PAPSS1: variants seen among roughly 807,000 people sequenced by gnomAD.
PAPSS1 encodes the protein bifunctional 3'-phosphoadenosine 5'-phosphosulfate synthase 1.
PAPSS1 carries 50 observed loss-of-function variants against 72.0 expected under a neutral mutation model. The ratio of observed to expected loss-of-function variants is 0.69; its 90% CI spans 0.55 to 0.88. PAPSS1 has a LOEUF of 0.88. Ranked by LOEUF, PAPSS1 falls within the 40% of genes least tolerant of loss-of-function variation. PAPSS1 has a pLI of 0.00. For synonymous variants in PAPSS1, 261 were observed against 263.6 expected (o/e 0.99, Z 0.09); for missense variants, 657 against 782.2 (o/e 0.84, Z 1.91).
Position 107,682,295 on chromosome 4 carries a change from CT to C in PAPSS1, c.551-163del, listed in dbSNP as rs113311545. On this transcript the variant is annotated intron_variant, in intron 4 of 11. Coordinates refer to ENST00000265174, the MANE Select transcript of PAPSS1 (RefSeq NM_005443.5). ...CTTTCTTGGGAGATTTCTAATTAAA[CT>C]TTTTTTTTTCCTGCACTGGGGGCCA... 6.8e-3 allele frequency among the ~76,000 whole-genome samples: 1,027 copies of C among 150,624 alleles called. 12 individuals are homozygous for C. Among genetic ancestry groups the C allele is most frequent in the African/African-American group, 0.022 (914 of 41,152 alleles).
chr4:107,653,644 T>C lies in PAPSS1; in HGVS notation c.1102-18A>G. ...ATCACCATCTAATAGGAAAAACAAA[T>C]TTTTTTAATGGAAACCGAGATCAAA... On this transcript the variant is annotated intron_variant, in intron 8 of 11. Transcript: ENST00000265174. 10 of 1,603,762 alleles carry C rather than the reference T, an allele frequency of 6.2e-6. No homozygotes were observed. The highest frequency in any genetic ancestry group is 8.5e-6 in the Non-Finnish European group (10 of 1,174,962).
chr4:107,705,290 G>A (rs981816644), intron 1 of PAPSS1, among the ~76,000 whole-genome samples: 1 of 152,214 alleles, frequency 6.6e-6, no homozygotes, highest in Admixed American at 6.5e-5. Flanking sequence ...ATCTCCATGT[G>A]TGGAGGGAGC....
chr4:107,641,002 G>A (rs1726525154), intron 10 of PAPSS1, among the ~76,000 whole-genome samples: 1 of 152,042 alleles, frequency 6.6e-6, no homozygotes, highest in Admixed American at 6.6e-5. Flanking sequence ...AGGCTTCTTG[G>A]CAGCAAGGAG....
chr4:107,674,443 T>C (rs907311225), intron 5 of PAPSS1, among the ~76,000 whole-genome samples: 2 of 152,168 alleles, frequency 1.3e-5, no homozygotes, highest in African/African-American at 4.8e-5. Context: ...AGAAGGTCAT[T>C]ACATAATGGT....
intron 1 of PAPSS1, among the ~76,000 whole-genome samples, chr4:107,702,294 T>A (rs1196756172): frequency 6.6e-6 from 1 of 152,194 alleles, no homozygotes; most frequent in Non-Finnish European, 1.5e-5. Context: ...AGAGTTATCA[T>A]ATGACCAAAC....
chr4:107,685,782 A>G (rs967694266), intron 4 of PAPSS1, among the ~76,000 whole-genome samples: 1 of 152,186 alleles, frequency 6.6e-6, no homozygotes, highest in Non-Finnish European at 1.5e-5. Context: ...AGAACCCAGA[A>G]TAACTACCAT....
At chr4:107,714,491 T>C (rs1190781742) in intron 1 of PAPSS1, among the ~76,000 whole-genome samples, 1 of 152,238 alleles carries the variant, frequency 6.6e-6, no homozygotes, top group Non-Finnish European at 1.5e-5. Context: ...GGATTGGGGT[T>C]TTCCTGTCTT....
intron 3 of PAPSS1, among the ~76,000 whole-genome samples, chr4:107,689,970 C>T (rs910571200): frequency 6.6e-6 from 1 of 152,154 alleles, no homozygotes; most frequent in Admixed American, 6.5e-5. Context: ...CCAGGTCTTA[C>T]TGATGCTACT....
intron 2 of PAPSS1, among the ~76,000 whole-genome samples, chr4:107,698,703 C>T (rs1286197546): frequency 2.0e-5 from 3 of 152,094 alleles, no homozygotes; most frequent in African/African-American, 7.2e-5. Context: ...TGGACAAGTC[C>T]GAGAGTTAAA....
chr4:107,642,884 T>C (rs1726586400), intron 10 of PAPSS1, among the ~76,000 whole-genome samples: 1 of 152,170 alleles, frequency 6.6e-6, no homozygotes, highest in African/African-American at 2.4e-5. Context: ...ACTGGTCGAA[T>C]CTACTAATGC....
intron 5 of PAPSS1, among the ~76,000 whole-genome samples, chr4:107,663,011 T>C (rs193027538): frequency 1.3e-4 from 20 of 152,372 alleles, no homozygotes; most frequent in Non-Finnish European, 2.5e-4. Flanking sequence ...GGCATACAGA[T>C]TCTTTGCAGC....
chr4:107,666,419 A>G (rs966142982), intron 5 of PAPSS1, among the ~76,000 whole-genome samples: 1 of 152,220 alleles, frequency 6.6e-6, no homozygotes, highest in African/African-American at 2.4e-5. Context: ...TCTTAAATAC[A>G]TACCAAACAA....
chr4:107,707,976 T>A (rs1723382636), intron 1 of PAPSS1, among the ~76,000 whole-genome samples: 1 of 152,152 alleles, frequency 6.6e-6, no homozygotes, highest in Non-Finnish European at 1.5e-5. Flanking sequence ...CTCCCACACA[T>A]CTGAATCTTA....
intron 10 of PAPSS1, among the ~76,000 whole-genome samples, chr4:107,643,354 A>AC (rs1578393488): frequency 6.6e-6 from 1 of 152,148 alleles, no homozygotes; most frequent in Admixed American, 6.5e-5. Flanking sequence ...TGGGCAGCCA[A>AC]CCCCTGGAAA....
At chr4:107,708,036 T>G (rs1723384638) in intron 1 of PAPSS1, among the ~76,000 whole-genome samples, 1 of 152,164 alleles carries the variant, frequency 6.6e-6, no homozygotes, top group South Asian at 2.1e-4. Context: ...AAAGGGACAA[T>G]TTGACAACTC....
chr4:107,666,810 C>A (rs766470454), intron 5 of PAPSS1, among the ~76,000 whole-genome samples: 13 of 152,216 alleles, frequency 8.5e-5, no homozygotes, highest in Non-Finnish European at 1.9e-4. Context: ...CCTTCATTCT[C>A]TGGGAAGTCC....
chr4:107,702,512 T>C (rs1427391260), intron 1 of PAPSS1, among the ~76,000 whole-genome samples: 2 of 152,126 alleles, frequency 1.3e-5, no homozygotes, highest in Non-Finnish European at 2.9e-5. Flanking sequence ...CGACCCCCAC[T>C]CGACCCCAAA....
At chr4:107,637,210 T>C (rs879618668) in intron 10 of PAPSS1, among the ~76,000 whole-genome samples, 2 of 152,314 alleles carry the variant, frequency 1.3e-5, no homozygotes, top group Non-Finnish European at 2.9e-5. Flanking sequence ...CAATATGGCA[T>C]GTTATTGAGA....
chr4:107,655,696 C>T (rs888885744), intron 7 of PAPSS1, among the ~76,000 whole-genome samples: 3 of 152,086 alleles, frequency 2.0e-5, no homozygotes, highest in Admixed American at 1.3e-4. Flanking sequence ...AAGATGTCAA[C>T]GAGAGTAATG....
Sources: allele counts gnomAD v4.1 joint callset (sites outside exome capture counted in the v4.1 genomes callset), GRCh38; gene constraint gnomAD v4.1.1; transcripts MANE v1.5; gene names NCBI Gene and HGNC (gene_info 2026-07-23, HGNC 2026-07-21).